The following ATRNL1 variants were observed in gnomAD, a reference collection of about 807,000 sequenced individuals.
The protein encoded by ATRNL1 is attractin-like protein 1.
ATRNL1 carries 95 observed loss-of-function variants against 182.7 expected under a neutral mutation model. The observed-to-expected ratio is 0.52, with a 90% CI of 0.44 to 0.62. ATRNL1 has a LOEUF of 0.62. Among genes scored for constraint, ATRNL1 ranks in the 20% least tolerant of loss-of-function variants. ATRNL1 has a pLI of 0.00. For missense variants in ATRNL1, 1,471 were observed against 1,679.5 expected (o/e 0.88, Z 2.17); for synonymous variants, 576 against 568.3 (o/e 1.01, Z -0.19).
chr10:115,257,946 T>C (rs1554907509), intron 10 of ATRNL1, among the ~76,000 whole-genome samples: 1 of 152,228 alleles, frequency 6.6e-6, no homozygotes, highest in Admixed American at 6.5e-5. Flanking sequence ...CTTAGTCTCT[T>C]CTGGCTTGTA....
intron 8 of ATRNL1, among the ~76,000 whole-genome samples, chr10:115,211,050 T>C (rs1165414147): frequency 1.3e-5 from 2 of 149,870 alleles, no homozygotes; most frequent in Non-Finnish European, 3.0e-5. Flanking sequence ...CTGACTTCTT[T>C]TTTTTTTTTT....
intron 26 of ATRNL1, among the ~76,000 whole-genome samples, chr10:115,631,324 C>T (rs1858494572): frequency 6.6e-6 from 1 of 151,300 alleles, no homozygotes; most frequent in Non-Finnish European, 1.5e-5. Context: ...TATTGTATAC[C>T]TTAAACATAC....
At chr10:115,944,161 G>A (rs946368629) in intron 28 of ATRNL1, among the ~76,000 whole-genome samples, 1 of 150,716 alleles carries the variant, frequency 6.6e-6, no homozygotes, top group East Asian at 1.9e-4. Context: ...AACAGAAAAA[G>A]TAAACCCTAA....
chr10:115,226,193 A>G (rs1342074533), intron 9 of ATRNL1, among the ~76,000 whole-genome samples: 2 of 151,984 alleles, frequency 1.3e-5, no homozygotes, highest in Non-Finnish European at 1.5e-5. Context: ...TTCTGGGCCA[A>G]TTGGGTGTAC....
At chr10:115,157,936 T>G (rs1363031142) in intron 5 of ATRNL1, among the ~76,000 whole-genome samples, 1 of 152,076 alleles carries the variant, frequency 6.6e-6, no homozygotes, top group Admixed American at 6.6e-5. Context: ...GTGTTCTCTA[T>G]CAAACTCTTT....
chr10:115,442,813 C>G (rs1457870151), intron 21 of ATRNL1, among the ~76,000 whole-genome samples: 2 of 151,936 alleles, frequency 1.3e-5, no homozygotes, highest in Non-Finnish European at 2.9e-5. Flanking sequence ...GGAACAAGGC[C>G]TTTGATTCCT....
chr10:115,125,706 C>T (rs1844941792), intron 3 of ATRNL1, among the ~76,000 whole-genome samples: 1 of 152,176 alleles, frequency 6.6e-6, no homozygotes, highest in Admixed American at 6.5e-5. Flanking sequence ...GAGGGCCTAA[C>T]TTTAGGTAGT....
intron 28 of ATRNL1, among the ~76,000 whole-genome samples, chr10:115,850,857 A>AGTT (rs1951037966): frequency 6.6e-6 from 1 of 152,086 alleles, no homozygotes; most frequent in South Asian, 2.1e-4. Context: ...GTGCAGGGTG[A>AGTT]CAGGTTGGGG....
At chr10:115,616,030 G>A (rs1279472484) in intron 26 of ATRNL1, among the ~76,000 whole-genome samples, 1 of 152,162 alleles carries the variant, frequency 6.6e-6, no homozygotes, top group Non-Finnish European at 1.5e-5. Context: ...TTGAAGGAAA[G>A]TTTGGAACTT....
intron 20 of ATRNL1, among the ~76,000 whole-genome samples, chr10:115,416,552 G>A (rs1845399959): frequency 6.6e-6 from 1 of 152,122 alleles, no homozygotes; most frequent in African/African-American, 2.4e-5. Flanking sequence ...TTCTTAACAA[G>A]GTGGTGTTGG....
At chr10:115,550,815 G>C (rs1205023913) in intron 26 of ATRNL1, among the ~76,000 whole-genome samples, 1 of 151,676 alleles carries the variant, frequency 6.6e-6, no homozygotes, top group Non-Finnish European at 1.5e-5. Flanking sequence ...TAGTGTGAAG[G>C]CCTTCCTTCC....
chr10:115,751,469 A>G (rs2907528), intron 27 of ATRNL1, among the ~76,000 whole-genome samples: 144,467 of 152,092 alleles, frequency 0.95, 69,038 homozygotes, highest in East Asian at 1. Context: ...AGGCACTTTC[A>G]TTTATTGTTG....
At chr10:115,880,538 C>T (rs184054745) in intron 28 of ATRNL1, among the ~76,000 whole-genome samples, 174 of 152,216 alleles carry the variant, frequency 1.1e-3, no homozygotes, top group African/African-American at 3.4e-3. Context: ...TGAGGAGAAT[C>T]GCTTGAACCC....
chr10:115,476,408 T>C (rs1848532070), intron 24 of ATRNL1, among the ~76,000 whole-genome samples: 1 of 151,416 alleles, frequency 6.6e-6, no homozygotes, highest in Non-Finnish European at 1.5e-5. Context: ...GTTGGATATT[T>C]ATTTGATTCT....
At chr10:115,582,592 G>A (rs1855194932) in intron 26 of ATRNL1, among the ~76,000 whole-genome samples, 1 of 134,566 alleles carries the variant, frequency 7.4e-6, no homozygotes, top group Non-Finnish European at 1.6e-5. Context: ...TGATGGGTTT[G>A]TTTGTTTTTT....
chr10:115,899,648 T>A (rs1273805702), intron 28 of ATRNL1, among the ~76,000 whole-genome samples: 4 of 152,168 alleles, frequency 2.6e-5, no homozygotes, highest in African/African-American at 9.7e-5. Flanking sequence ...CATATTAATA[T>A]ACCTCCATAT....
chr10:115,374,797 A>T (rs542594177), intron 19 of ATRNL1, among the ~76,000 whole-genome samples: 2 of 151,922 alleles, frequency 1.3e-5, no homozygotes, highest in Non-Finnish European at 2.9e-5. Flanking sequence ...TCCTCCTGTT[A>T]CTGATTTCTA....
At chr10:115,198,982 T>G (rs1163353172) in intron 8 of ATRNL1, among the ~76,000 whole-genome samples, 1 of 152,132 alleles carries the variant, frequency 6.6e-6, no homozygotes, top group East Asian at 1.9e-4. Flanking sequence ...CCTTAGCTCT[T>G]TGGGGCTTTT....
chr10:115,714,900 G>A (rs1283356802), intron 26 of ATRNL1, among the ~76,000 whole-genome samples: 1 of 152,176 alleles, frequency 6.6e-6, no homozygotes, highest in Non-Finnish European at 1.5e-5. Context: ...TTTTGGTAAA[G>A]GGAAGAAAAT....
Sources: gnomAD v4.1 joint callset for allele counts (sites outside exome capture counted in the v4.1 genomes callset) on GRCh38, gnomAD v4.1.1 for gene constraint, MANE v1.5 for transcripts, NCBI Gene and HGNC (gene_info 2026-07-23, HGNC 2026-07-21) for gene names.